Variants in ACTA2 observed in about 807,000 individuals in gnomAD.
The protein encoded by ACTA2 is actin, aortic smooth muscle.
In ACTA2, 12 loss-of-function variants were observed where a neutral mutation model predicts 39.5. The observed-to-expected ratio is 0.30, with a 90% CI of 0.19 to 0.49. The LOEUF (loss-of-function observed/expected upper bound fraction) is 0.49, where lower values mean the gene tolerates loss of function less well. Among genes scored for constraint, ACTA2 ranks in the 20% least tolerant of loss-of-function variants. The pLI is 0.99. For missense variants in ACTA2, 236 were observed against 498.8 expected (o/e 0.47, Z 5.02); for synonymous variants, 158 against 180.6 (o/e 0.88, Z 1.00).
chr10:88,964,030 T>G (rs1344367853), intron 1 of ACTA2, among the ~76,000 whole-genome samples: 2 of 152,070 alleles, frequency 1.3e-5, no homozygotes, highest in African/African-American at 4.8e-5. Context: ...TTTACTTTGG[T>G]TTAGTTTCAT....
rs193116515 is a variant in ACTA2 at position 88,985,340 on chromosome 10, C to G, written c.-24+5599G>C. ...AGGGAGAGGAAAATGTCTATATGCT[C>G]ATATGCACAGATTATCCAAATCAAA... is the stretch of plus-strand genomic sequence containing the variant. On this transcript the variant is annotated intron_variant, in intron 1 of 4. Transcript: ENST00000415557. Among the ~76,000 whole-genome samples, 53 of 152,306 alleles carry G rather than the reference C, an allele frequency of 3.5e-4. No individual in the cohort carries two copies. In the East Asian group the frequency reaches 0.01, roughly 29 times the overall value.
At chr10:88,961,323 G>A (rs996547931) in intron 1 of ACTA2, among the ~76,000 whole-genome samples, 3 of 152,182 alleles carry the variant, frequency 2.0e-5, no homozygotes, top group Non-Finnish European at 4.4e-5. Flanking sequence ...GATGCAAGAT[G>A]ACCTCAGGGC....
At chr10:88,967,092 C>G (rs1383628345) in intron 1 of ACTA2, among the ~76,000 whole-genome samples, 2 of 152,168 alleles carry the variant, frequency 1.3e-5, no homozygotes, top group Admixed American at 1.3e-4. Flanking sequence ...CAGGAAGAGA[C>G]CCTCGAGATA....
intron 3 of ACTA2, among the ~76,000 whole-genome samples, chr10:88,945,193 G>C (rs1483055528): frequency 6.6e-6 from 1 of 152,142 alleles, no homozygotes; most frequent in Non-Finnish European, 1.5e-5. Context: ...TGTCTAGGAC[G>C]ATACATTCTA....
At chr10:88,939,463 A>C in intron 7 of ACTA2, 44 bp downstream of exon 7, 1 of 1,609,088 alleles carries the variant, frequency 6.2e-7, no homozygotes, top group Non-Finnish European at 8.5e-7. Flanking sequence ...ATATGGAAGA[A>C]GACAATGACT....
intron 1 of ACTA2, chr10:88,973,279 T>C: frequency 1.2e-6 from 2 of 1,612,286 alleles, no homozygotes; most frequent in Non-Finnish European, 1.7e-6. Flanking sequence ...CTCTTGGGGA[T>C]CTCTAGGTCA....
intron 1 of ACTA2, among the ~76,000 whole-genome samples, chr10:88,969,722 C>T (rs1937476535): frequency 6.6e-6 from 1 of 152,142 alleles, no homozygotes; most frequent in Admixed American, 6.5e-5. Context: ...TCTATCTTTC[C>T]TTCATAGTAC....
chr10:88,957,868 A>G (rs769616603), intron 1 of ACTA2, among the ~76,000 whole-genome samples: 4 of 152,066 alleles, frequency 2.6e-5, no homozygotes, highest in Non-Finnish European at 5.9e-5. Flanking sequence ...ACCGGGTTCA[A>G]GTGATTCTCC....
chr10:88,985,224 G>C (rs1846840175), intron 1 of ACTA2, among the ~76,000 whole-genome samples: 1 of 152,190 alleles, frequency 6.6e-6, no homozygotes, highest in South Asian at 2.1e-4. Context: ...ATTATGCACA[G>C]CTTCTCACAT....
Position 88,990,876 on chromosome 10 carries a change from C to A in ACTA2, c.-24+63G>T. 2 of 1,614,230 alleles carry A rather than the reference C, an allele frequency of 1.2e-6. No individual in the cohort carries two copies. The highest frequency in any genetic ancestry group is 2.2e-5 in the South Asian group (2 of 91,092). ...TCACTTCGGAGGATTGCTCAACAAC[C>A]ATGCTGGGCATCTGGACCCTCCTAC... On this transcript the variant is annotated intron_variant, in intron 1 of 4. Transcript: ENST00000415557. The surrounding 1 kb of genome is among the most constrained non-coding windows in gnomAD (Gnocchi z 4.9).
intron 1 of ACTA2, 124 bp from the exon 2 acceptor site, chr10:88,949,077 C>A (rs561045297): frequency 1.1e-5 from 9 of 831,698 alleles, no homozygotes; most frequent in Admixed American, 4.2e-5. Flanking sequence ...TATCCTCTGA[C>A]CCTTATCTAA....
upstream of ACTA2, among the ~76,000 whole-genome samples, chr10:88,953,397 T>G (rs564621969): frequency 1.3e-5 from 2 of 152,330 alleles, no homozygotes; most frequent in African/African-American, 4.8e-5. Context: ...ATTTGGATGT[T>G]AGCATTACTA....
chr10:88,938,443 C>A, intron 7 of ACTA2: 2 of 609,900 alleles, frequency 3.3e-6, no homozygotes, highest in Non-Finnish European at 5.9e-6. Context: ...TGAGGAAGGC[C>A]TGCTGCAGCA....
intron 1 of ACTA2, 123 bp from the exon 2 acceptor site, chr10:88,949,076 A>C (rs1846004502): frequency 2.4e-6 from 2 of 832,508 alleles, no homozygotes; most frequent in Non-Finnish European, 3.9e-6. Flanking sequence ...CTATCCTCTG[A>C]CCCTTATCTA....
chr10:88,947,454 CA>C (rs1845973135), intron 2 of ACTA2, 68 bp from the exon 3 acceptor site: 2 of 1,605,350 alleles, frequency 1.2e-6, no homozygotes, highest in Non-Finnish European at 8.5e-7. Context: ...AGCCAAGCCA[CA>C]AAAGGTTAAG....
At chr10:88,957,430 A>G (rs1054792309), upstream of ACTA2, among the ~76,000 whole-genome samples, 2 of 152,214 alleles carry the variant, frequency 1.3e-5, no homozygotes, top group African/African-American at 4.8e-5. Flanking sequence ...AGAGAGCTTT[A>G]AAAGATGTTT....
At position 88,935,136 on chromosome 10, in the gene ACTA2, A is replaced by G; in HGVS notation, c.*87T>C. On this transcript the variant is annotated 3_prime_UTR_variant, in exon 9 of 9. Transcript: ENST00000224784. ...TAGGTAACGAGTCAGAGCTTTGGCT[A>G]GGAATGATTTGGAAAAGAACTGAAG... The G allele has an allele frequency of 6.4e-7, 1 of 1,570,250 alleles. No individual in the cohort carries two copies. Among genetic ancestry groups the G allele is most frequent in the Non-Finnish European group, 8.7e-7 (1 of 1,144,580 alleles).
chr10:88,960,271 C>A (rs1370864611), intron 1 of ACTA2, among the ~76,000 whole-genome samples: 2 of 152,094 alleles, frequency 1.3e-5, no homozygotes, highest in Non-Finnish European at 2.9e-5. Context: ...ATCACTCAGA[C>A]AAACAGCTGA....
At chr10:88,952,657 A>G (rs1304352908) in intron 1 of ACTA2, 74 bp downstream of exon 1, 3 of 152,212 alleles carry the variant, frequency 2.0e-5, no homozygotes, top group African/African-American at 7.2e-5. Context: ...CCTGCAGATG[A>G]TGTCTTATTA....
Sources: gnomAD v4.1 joint callset for allele counts (sites outside exome capture counted in the v4.1 genomes callset) on GRCh38, gnomAD v4.1.1 for gene constraint, Gnocchi (gnomAD v3.1) non-coding constraint, MANE v1.5 for transcripts, NCBI Gene and HGNC (gene_info 2026-07-23, HGNC 2026-07-21) for gene names.